KCTD3: variants seen among roughly 807,000 people sequenced by gnomAD.
KCTD3 encodes BTB/POZ domain-containing protein KCTD3.
Under a neutral mutation model 85.8 loss-of-function variants are expected in KCTD3, and 41 were observed. That is an observed-to-expected ratio of 0.48 (90% CI 0.37 to 0.62). KCTD3 has a LOEUF of 0.62. Ranked by LOEUF, KCTD3 falls within the 20% of genes least tolerant of loss-of-function variation. The probability of loss-of-function intolerance (pLI) is 0.00; values close to 1 mark genes in which losing one functional copy is unlikely to be tolerated. For synonymous variants in KCTD3, 338 were observed against 345.4 expected (o/e 0.98, Z 0.24); for missense variants, 724 against 989.9 (o/e 0.73, Z 3.60).
In KCTD3 at chr1:215,581,005, T is replaced by TAA. The variant is rs375054033; in HGVS notation, c.626+1007_626+1008dup. The TAA allele has an allele frequency of 1.5e-3, 702 of 460,196 alleles. 4 individuals carry two copies. The highest frequency in any genetic ancestry group is 1.8e-3 in the Non-Finnish European group (409 of 224,926). The allele number at this position is 460,196 out of a possible 1,614,324, so 28.5% of individuals were successfully genotyped here. Reference sequence around the variant, plus strand: ...GGCTGGGCACGGTGGGTCACGCCTGTAATCCCAGCACTTTGGGAGGCCGAG... The same window carrying TAA: ...GGCTGGGCACGGTGGGTCACGCCTGTAAAATCCCAGCACTTTGGGAGGCCGAG... On this transcript the variant is annotated intron_variant, in intron 8 of 17. Coordinates refer to ENST00000259154, the MANE Select transcript of KCTD3 (RefSeq NM_016121.5).
At position 215,570,501 on chromosome 1, in the gene KCTD3, CAA is replaced by C. The variant is rs1659319453; in HGVS notation, c.83+2735_83+2736del. 3.3e-5 allele frequency among the ~76,000 whole-genome samples: 5 copies of C among 152,276 alleles called. No individual in the cohort carries two copies. In the South Asian group the frequency reaches 6.2e-4, roughly 19 times the overall value. ...GGACTAGCCATTGAGGACTCCTGGA[CAA>C]AGAGCTTTTGAGTCAGGTATATGTT... On this transcript the variant is annotated intron_variant, in intron 1 of 17. Coordinates refer to ENST00000259154, the MANE Select transcript of KCTD3 (RefSeq NM_016121.5).
intron 13 of KCTD3, among the ~76,000 whole-genome samples, chr1:215,606,526 C>T (rs149975485): frequency 2.6e-5 from 4 of 151,884 alleles, no homozygotes; most frequent in African/African-American, 7.2e-5. Flanking sequence ...GAAAATGGGC[C>T]GTTTTGAAGG....
intron 12 of KCTD3, 52 bp from the exon 13 acceptor site, chr1:215,604,080 T>C: frequency 7.0e-7 from 1 of 1,425,096 alleles, no homozygotes; most frequent in Non-Finnish European, 9.5e-7. Flanking sequence ...GAGGGTAGCT[T>C]TTTTATTATC....
intron 7 of KCTD3, 28 bp downstream of exon 7, chr1:215,579,165 A>T: frequency 6.3e-7 from 1 of 1,593,450 alleles, no homozygotes; most frequent in Non-Finnish European, 8.6e-7. Flanking sequence ...AAATAGAAAA[A>T]GAAAAATACG....
intron 15 of KCTD3, among the ~76,000 whole-genome samples, chr1:215,613,973 T>G (rs1314470331): frequency 1.3e-5 from 2 of 151,668 alleles, no homozygotes; most frequent in Non-Finnish European, 2.9e-5. Flanking sequence ...TTGCTTTGTC[T>G]ATTTTATTTG....
At chr1:215,601,019 C>T (rs1360508704) in intron 10 of KCTD3, among the ~76,000 whole-genome samples, 1 of 152,014 alleles carries the variant, frequency 6.6e-6, no homozygotes, top group African/African-American at 2.4e-5. Context: ...CTCACCGCAA[C>T]CTCTGCCTCC....
Position 215,579,011 on chromosome 1 carries a change from C to G in KCTD3, c.409C>G (p.Arg137Gly), listed in dbSNP as rs3767261. The change falls in exon 7 of 18, where the codon CGT (arginine) becomes GGT (glycine). Residue 137 changes from arginine (R) to glycine (G), a missense_variant. Arg to Gly is a moderately radical substitution (Grantham distance 125, BLOSUM62 -2). Around this residue, in one of 6 missense-constraint regions of KCTD3, gnomAD observed 106 missense variants for 98.2 expected, o/e 1.08. Coordinates refer to ENST00000259154, the MANE Select transcript of KCTD3 (RefSeq NM_016121.5). ...TCTTCTCTTTATAGGTATTCCTAGT[C>G]GTAAAATAAACAACACAGTCAGATC... ...GYLPPPGIPS[R>G]KINNTVRSAD... 2.0e-5 allele frequency: 31 copies of G among 1,552,818 alleles called. No individual in the cohort carries two copies. The South Asian group carries it at 2.1e-4, about 10-fold the overall frequency.
intron 15 of KCTD3, among the ~76,000 whole-genome samples, chr1:215,615,036 C>T (rs1192608798): frequency 1.3e-5 from 2 of 152,202 alleles, no homozygotes; most frequent in East Asian, 1.9e-4. Context: ...CTGATATCCC[C>T]CTTTCTGTTA....
chr1:215,619,069 G>A lies in KCTD3; in HGVS notation c.1746G>A (p.Lys582=), dbSNP rs151023955. The A allele has an allele frequency of 5.6e-6, 9 of 1,611,028 alleles. No individual in the cohort carries two copies. In the African/African-American group the frequency reaches 1.2e-4, roughly 22 times the overall value. The change falls in exon 16 of 18, where the codon AAG becomes AAA. Residue 582 remains lysine (K), a splice_region_variant and synonymous_variant. Transcript: ENST00000259154. ...ATATGGTTAACAAAAGTGAAGATAA[G>A]GGTAGGTTCTCATACAGAAAGATGT... ...AMDMVNKSED[K]DVGGPTEEEL...
intron 8 of KCTD3, among the ~76,000 whole-genome samples, chr1:215,583,375 A>G (rs1328401713): frequency 6.6e-6 from 1 of 152,218 alleles, no homozygotes; most frequent in Non-Finnish European, 1.5e-5. Context: ...GTAAACTATC[A>G]TGGGGCTGGT....
chr1:215,620,826 A>G lies in KCTD3; in HGVS notation c.*208A>G. ...GAAATTTTTTTAATTTTACAAGTAC[A>G]TTTAACAGATCATTTATAAAGCAGG... On this transcript the variant is annotated 3_prime_UTR_variant, in exon 18 of 18. Transcript: ENST00000259154. 1 of 488,566 alleles carries G rather than the reference A, an allele frequency of 2.0e-6. No homozygotes were observed. Among genetic ancestry groups the G allele is most frequent in the South Asian group, 4.3e-5 (1 of 23,062 alleles). 30.3% of individuals were successfully genotyped at this position (488,566 alleles called of 1,614,324 possible). A position where few individuals can be genotyped will look rare whatever the true frequency, so the allele number is the denominator to read the frequency against.
chr1:215,573,298 G>A lies in KCTD3; in HGVS notation c.84-488G>A, dbSNP rs1198800778. Among the ~76,000 whole-genome samples, 3 of 152,178 alleles carry A rather than the reference G, an allele frequency of 2.0e-5. No individual in the cohort carries two copies. In the East Asian group the frequency reaches 5.8e-4, roughly 29 times the overall value. On this transcript the variant is annotated intron_variant, in intron 1 of 17. Coordinates refer to ENST00000259154, the MANE Select transcript of KCTD3 (RefSeq NM_016121.5). Reference sequence around the variant, plus strand: ...CTGAGTGGTATCAAGAAAGATGGACGGATCTTGAATTATTGGACATGAAGA... The same window carrying A: ...CTGAGTGGTATCAAGAAAGATGGACAGATCTTGAATTATTGGACATGAAGA...
intron 8 of KCTD3, chr1:215,581,032 TG>T: frequency 2.3e-6 from 1 of 440,964 alleles, no homozygotes; most frequent in Non-Finnish European, 4.6e-6. Flanking sequence ...GAGGCCGAGA[TG>T]GGTGGAGTTC....
chr1:215,584,991 T>C (rs573501928), intron 8 of KCTD3, among the ~76,000 whole-genome samples: 1 of 152,280 alleles, frequency 6.6e-6, no homozygotes, highest in Admixed American at 6.5e-5. Flanking sequence ...AGCTAATTGG[T>C]GCTGCAGTCT....
chr1:215,609,436 C>T (rs918407094), intron 14 of KCTD3, among the ~76,000 whole-genome samples: 49 of 151,968 alleles, frequency 3.2e-4, no homozygotes, highest in African/African-American at 1.0e-3. Context: ...AGGCCAGTGC[C>T]GGATCGTGGA....
chr1:215,597,203 G>A (rs923165385), intron 10 of KCTD3, among the ~76,000 whole-genome samples: 9 of 149,640 alleles, frequency 6.0e-5, no homozygotes, highest in East Asian at 1.9e-4. Context: ...TTATAAAAGC[G>A]TTGACTCTGA....
At chr1:215,612,462 G>C (rs1655269651) in intron 15 of KCTD3, among the ~76,000 whole-genome samples, 1 of 151,822 alleles carries the variant, frequency 6.6e-6, no homozygotes, top group African/African-American at 2.4e-5. Flanking sequence ...GAAATTGTCT[G>C]TCTCCGTGAG....
chr1:215,602,072 T>G lies in KCTD3; in HGVS notation c.1022-13T>G. On this transcript the variant is annotated splice_polypyrimidine_tract_variant and intron_variant, in intron 11 of 17. Transcript: ENST00000259154. ...TATTTATTTTAATGCTGTTTAAAAT[T>G]TTTATGTTTTAGATATGCAGAAGTT... is the stretch of plus-strand genomic sequence containing the variant. 1 of 1,520,410 alleles carries G rather than the reference T, an allele frequency of 6.6e-7. No individual in the cohort carries two copies. The highest frequency in any genetic ancestry group is 1.4e-5 in the African/African-American group (1 of 72,598). The allele number at this position is 1,520,410 out of a possible 1,614,324, so 94.2% of individuals were successfully genotyped here. A position where few individuals can be genotyped will look rare whatever the true frequency, so the allele number is the denominator to read the frequency against.
chr1:215,619,294 A>C lies in KCTD3; in HGVS notation c.1886+3A>C. ...CACTTACGAGAATCAAATTCTAGGT[A>C]GGTTAAAGAGTTGGGTATTATAAAC... On this transcript the variant is annotated splice_donor_region_variant and intron_variant, in intron 17 of 17. Coordinates refer to ENST00000259154, the MANE Select transcript of KCTD3 (RefSeq NM_016121.5). 6.2e-7 allele frequency: 1 copy of C among 1,609,690 alleles called. No homozygotes were observed. The highest frequency in any genetic ancestry group is 8.5e-7 in the Non-Finnish European group (1 of 1,177,876).
Sources: gnomAD v4.1 joint callset for allele counts (sites outside exome capture counted in the v4.1 genomes callset) on GRCh38, gnomAD v4.1.1 for gene constraint, gnomAD v4.1.1 regional missense constraint, MANE v1.5 for transcripts, NCBI Gene and HGNC (gene_info 2026-07-23, HGNC 2026-07-21) for gene names.